ZNF654: variants seen among roughly 807,000 people sequenced by gnomAD.
The protein encoded by ZNF654 is melanoma-associated antigen.
A neutral mutation model predicts 95.3 loss-of-function variants in ZNF654; 19 were observed. The observed-to-expected ratio is 0.20, with a 90% CI of 0.14 to 0.29. The LOEUF (loss-of-function observed/expected upper bound fraction) is 0.29, where lower values mean the gene tolerates loss of function less well. ZNF654 is among the 10% of genes least tolerant of loss of function. The pLI, the probability that ZNF654 is intolerant of heterozygous loss-of-function variation, is 1.00. For synonymous variants in ZNF654, 413 were observed against 457.9 expected (o/e 0.90, Z 1.25); for missense variants, 1,046 against 1,341.0 (o/e 0.78, Z 3.44).
chr3:88,067,222 C>T (rs1274039352), intron 1 of ZNF654, among the ~76,000 whole-genome samples: 3 of 152,136 alleles, frequency 2.0e-5, no homozygotes, highest in Non-Finnish European at 2.9e-5. Flanking sequence ...AGAAAAGATA[C>T]GCAATACTAT....
intron 2 of ZNF654, chr3:88,095,472 C>A: frequency 2.5e-6 from 1 of 399,210 alleles, no homozygotes; most frequent in South Asian, 1.9e-5. Context: ...CAACATCAGT[C>A]TCTCTTCATA....
At chr3:88,125,676 A>AT (rs1173453286) in intron 3 of ZNF654, among the ~76,000 whole-genome samples, 7 of 152,158 alleles carry the variant, frequency 4.6e-5, no homozygotes, top group Admixed American at 4.6e-4. Flanking sequence ...TCAGGACAGG[A>AT]GACTTTTGTC....
intron 1 of ZNF654, among the ~76,000 whole-genome samples, chr3:88,082,289 G>C (rs762607391): frequency 6.6e-6 from 1 of 152,140 alleles, no homozygotes; most frequent in Non-Finnish European, 1.5e-5. Context: ...ACCACGCCCA[G>C]CTAATTTTTA....
chr3:88,076,251 A>G (rs1349348951), intron 1 of ZNF654, among the ~76,000 whole-genome samples: 2 of 152,204 alleles, frequency 1.3e-5, no homozygotes, highest in African/African-American at 4.8e-5. Flanking sequence ...CCATATTGCC[A>G]TAGTTGGATC....
In ZNF654 at chr3:88,113,020, A is replaced by C. The variant is rs1298623925; in HGVS notation, c.333-95A>C. 4 of 768,842 alleles carry C rather than the reference A, an allele frequency of 5.2e-6. No homozygotes were observed. In the Admixed American group the frequency reaches 1.3e-4, roughly 25 times the overall value. The allele number at this position is 768,842 out of a possible 1,614,324, so 47.6% of individuals were successfully genotyped here. ...TTTTTAAACCAAAATATTTTAAGTC[A>C]AATATTGATATTAGATAGCTGATAC... On this transcript the variant is annotated intron_variant, in intron 2 of 8. Coordinates refer to ENST00000636215, the MANE Select transcript of ZNF654 (RefSeq NM_001350134.2).
At chr3:88,081,905 A>G (rs563421113) in intron 1 of ZNF654, among the ~76,000 whole-genome samples, 1 of 152,214 alleles carries the variant, frequency 6.6e-6, no homozygotes, top group Non-Finnish European at 1.5e-5. Context: ...ATACTTTTAT[A>G]TATACAACTA....
chr3:88,122,835 C>A (rs1705852867), intron 3 of ZNF654, among the ~76,000 whole-genome samples: 2 of 151,634 alleles, frequency 1.3e-5, no homozygotes, highest in Admixed American at 1.3e-4. Context: ...CATGGTGAAA[C>A]CCTGTCTCTA....
intron 3 of ZNF654, among the ~76,000 whole-genome samples, chr3:88,119,944 A>G (rs1321252701): frequency 6.6e-6 from 1 of 152,200 alleles, no homozygotes; most frequent in East Asian, 1.9e-4. Flanking sequence ...GCTAATTAAA[A>G]GTAGCATGTA....
In ZNF654 at chr3:88,139,545, A is replaced by G. The variant is rs752608141; in HGVS notation, c.1876A>G (p.Ile626Val). 1.9e-6 allele frequency: 3 copies of G among 1,613,510 alleles called. No homozygotes were observed. Among genetic ancestry groups the G allele is most frequent in the Non-Finnish European group, 2.5e-6 (3 of 1,179,714 alleles). The change falls in exon 8 of 9, where the codon ATT (isoleucine) becomes GTT (valine). Residue 626 changes from isoleucine (I) to valine (V), a missense_variant. Physicochemically the swap from Ile to Val is conservative, Grantham distance 29. Transcript: ENST00000636215. ...LEEINCSSSS[I>V]SFENGNSDSK... ...AGAAATAAATTGTTCTAGTTCTTCC[A>G]TTTCATTTGAAAATGGGAATTCTGA...
intron 2 of ZNF654, chr3:88,095,866 A>T (rs1704028411): frequency 2.2e-6 from 1 of 450,032 alleles, no homozygotes; most frequent in African/African-American, 2.1e-5. Context: ...TTCAGCAGAT[A>T]CTCCACTTGC....
chr3:88,128,362 C>T (rs1289472469), intron 4 of ZNF654, among the ~76,000 whole-genome samples: 1 of 151,908 alleles, frequency 6.6e-6, no homozygotes, highest in Admixed American at 6.6e-5. Context: ...CAGATTACAT[C>T]TCTATAATTA....
At chr3:88,099,539 C>G (rs1234288281) in intron 2 of ZNF654, among the ~76,000 whole-genome samples, 2 of 126,876 alleles carry the variant, frequency 1.6e-5, no homozygotes, top group African/African-American at 5.5e-5. Flanking sequence ...AGCCAAAGAA[C>G]AAAGCTGGAG....
rs1395882995 is a variant in ZNF654 at position 88,129,761 on chromosome 3, A to T, written c.828A>T (p.Leu276Phe). The T allele has an allele frequency of 8.5e-6, 13 of 1,528,990 alleles. No homozygotes were observed. Among genetic ancestry groups the T allele is most frequent in the African/African-American group, 1.4e-5 (1 of 72,960 alleles). 94.7% of individuals were successfully genotyped at this position (1,528,990 alleles called of 1,614,324 possible). The change falls in exon 6 of 9, where the codon TTA becomes TTT. Residue 276 changes from leucine (L) to phenylalanine (F), a missense_variant. Leu to Phe is a conservative substitution (Grantham distance 22). Coordinates refer to ENST00000636215, the MANE Select transcript of ZNF654 (RefSeq NM_001350134.2). ...CTGAAAAAGAAGGCAAAACTATGTT[A>T]GCCTTGCAACTCTGTGAATCCTTTC... ...CNAEKEGKTM[L>F]ALQLCESFLI...
intron 1 of ZNF654, among the ~76,000 whole-genome samples, chr3:88,082,799 T>G (rs1251433134): frequency 6.6e-6 from 1 of 152,206 alleles, no homozygotes; most frequent in African/African-American, 2.4e-5. Flanking sequence ...TGTGTATTAC[T>G]TAGGCTGCCA....
intron 2 of ZNF654, among the ~76,000 whole-genome samples, chr3:88,092,908 T>C (rs765895936): frequency 6.6e-6 from 1 of 152,182 alleles, no homozygotes; most frequent in Non-Finnish European, 1.5e-5. Context: ...GTTTTGCTAG[T>C]GTTGTCTACA....
chr3:88,137,654 G>C (rs1232977585), intron 7 of ZNF654, among the ~76,000 whole-genome samples: 2 of 152,080 alleles, frequency 1.3e-5, no homozygotes, highest in Admixed American at 1.3e-4. Flanking sequence ...GCAGAGACCA[G>C]GATAAGTGGG....
chr3:88,071,816 C>A (rs1029245833), intron 1 of ZNF654, among the ~76,000 whole-genome samples: 17 of 152,138 alleles, frequency 1.1e-4, no homozygotes, highest in African/African-American at 3.6e-4. Flanking sequence ...AAAAAAAAAT[C>A]AAAAACACTT....
intron 2 of ZNF654, among the ~76,000 whole-genome samples, chr3:88,105,590 C>T (rs904923861): frequency 6.6e-6 from 1 of 152,092 alleles, no homozygotes; most frequent in African/African-American, 2.4e-5. Flanking sequence ...GCTAAATATG[C>T]CCAGTGTTCC....
At chr3:88,097,428 C>G (rs1032273913) in intron 2 of ZNF654, among the ~76,000 whole-genome samples, 28 of 151,552 alleles carry the variant, frequency 1.8e-4, no homozygotes, top group African/African-American at 6.5e-4. Context: ...ATCAATGAGA[C>G]AGAAGGTTAA....
Sources: allele counts gnomAD v4.1 joint callset (sites outside exome capture counted in the v4.1 genomes callset), GRCh38; gene constraint gnomAD v4.1.1; transcripts MANE v1.5; gene names NCBI Gene and HGNC (gene_info 2026-07-23, HGNC 2026-07-21).